Variants in RFX8 observed in about 807,000 individuals in gnomAD.
RFX8 encodes regulatory factor X8, also known as DNA-binding protein RFX8.
A neutral mutation model predicts 54.6 loss-of-function variants in RFX8; 46 were observed. The ratio of observed to expected loss-of-function variants is 0.84; its 90% CI spans 0.67 to 1.08. The LOEUF (loss-of-function observed/expected upper bound fraction) is 1.08, where lower values mean the gene tolerates loss of function less well. Among genes scored for constraint, RFX8 ranks in the 50% least tolerant of loss-of-function variants. The pLI, the probability that RFX8 is intolerant of heterozygous loss-of-function variation, is 0.00. For synonymous variants in RFX8, 192 were observed against 209.5 expected (o/e 0.92, Z 0.72); for missense variants, 536 against 562.3 (o/e 0.95, Z 0.47).
chr2:101,466,923 G>A, intron 1 of RFX8, 23 bp from the exon 2 acceptor site: 1 of 1,073,332 alleles, frequency 9.3e-7, no homozygotes. Flanking sequence ...AGGACAAGGA[G>A]GAGGAAATTG....
intron 2 of RFX8, among the ~76,000 whole-genome samples, chr2:101,456,290 C>T (rs901687942): frequency 1.3e-5 from 2 of 152,106 alleles, no homozygotes; most frequent in Non-Finnish European, 2.9e-5. Context: ...TGTCTTGTGC[C>T]GCTTTTCAAA....
chr2:101,416,670 G>A (rs992584779), intron 6 of RFX8, among the ~76,000 whole-genome samples: 10 of 152,192 alleles, frequency 6.6e-5, no homozygotes, highest in African/African-American at 1.9e-4. Context: ...CTTCACAAAG[G>A]CAAGAGGGAG....
chr2:101,450,205 T>G (rs1311018402), intron 2 of RFX8, among the ~76,000 whole-genome samples: 1 of 152,072 alleles, frequency 6.6e-6, no homozygotes, highest in Non-Finnish European at 1.5e-5. Context: ...AATGGTTCTT[T>G]TATTTATTAA....
intron 1 of RFX8, among the ~76,000 whole-genome samples, chr2:101,473,716 T>G (rs1690137224): frequency 6.6e-6 from 1 of 152,228 alleles, no homozygotes; most frequent in Admixed American, 6.5e-5. Context: ...AGGATATTTT[T>G]CTTTCCCTTT....
At chr2:101,447,335 A>C (rs147374726) in intron 2 of RFX8, among the ~76,000 whole-genome samples, 5 of 152,322 alleles carry the variant, frequency 3.3e-5, no homozygotes, top group African/African-American at 1.2e-4. Flanking sequence ...CACTCTGGGA[A>C]TATGTCCTTG....
At chr2:101,453,869 C>T (rs936671875) in intron 2 of RFX8, among the ~76,000 whole-genome samples, 50 of 152,060 alleles carry the variant, frequency 3.3e-4, no homozygotes, top group African/African-American at 1.2e-3. Flanking sequence ...TACCATTTTC[C>T]TCTTTTTCTA....
chr2:101,453,170 T>C (rs1688788971), intron 2 of RFX8, among the ~76,000 whole-genome samples: 1 of 144,878 alleles, frequency 6.9e-6, no homozygotes, highest in Non-Finnish European at 1.5e-5. Context: ...CCAGCTACTC[T>C]GGAGGCTGAG....
At chr2:101,402,378 C>G in intron 11 of RFX8, 58 bp downstream of exon 11, 3 of 1,328,052 alleles carry the variant, frequency 2.3e-6, no homozygotes, top group Middle Eastern at 2.0e-4. Context: ...TTACTAATCA[C>G]CTGTGGCTCT....
Position 101,402,552 on chromosome 2 carries a change from T to A in RFX8, c.1129A>T (p.Met377Leu), listed in dbSNP as rs763105786. The A allele has an allele frequency of 6.4e-7, 1 of 1,551,838 alleles. No individual in the cohort carries two copies. ...SLSQACASPS[M>L]EPLGVMPTHM... is the part of the protein sequence containing the mutation. The stretch of plus-strand genomic sequence containing the variant: ...GTGGGCATCACCCCCAGTGGCTCCA[T>A]GCTGGGGCTGGCACACGCCTGCGAC... Residue 377 changes from methionine to leucine, a missense_variant, in exon 11 of 12, where the codon ATG becomes TTG. Physicochemically the swap from Met to Leu is conservative, Grantham distance 15. Transcript: ENST00000428343.
intron 2 of RFX8, among the ~76,000 whole-genome samples, 180 bp from the exon 3 acceptor site, chr2:101,422,652 T>C (rs1686933398): frequency 6.6e-6 from 1 of 152,234 alleles, no homozygotes; most frequent in Non-Finnish European, 1.5e-5. Flanking sequence ...ATGCTGCTAA[T>C]TTTTGTCTGT....
At chr2:101,445,392 C>T (rs1688316574) in intron 2 of RFX8, among the ~76,000 whole-genome samples, 2 of 152,106 alleles carry the variant, frequency 1.3e-5, no homozygotes, top group East Asian at 1.9e-4. Flanking sequence ...CCACATCTCG[C>T]GATTGTTCCT....
In RFX8 at chr2:101,402,497, C is replaced by T. The variant is rs1477271972; in HGVS notation, c.1184G>A (p.Gly395Asp). 3.9e-6 allele frequency: 6 copies of T among 1,551,662 alleles called. No homozygotes were observed. Among genetic ancestry groups the T allele is most frequent in the African/African-American group, 1.4e-5 (1 of 73,050 alleles). The part of the protein sequence containing the change: ...THMGQGRYPV[G>D]VSNMVLRILG... Reference sequence around the variant, plus strand: ...GATCCTGAGGACCATGTTGCTCACACCCACGGGATATCGGCCCTGGCCCAT... The same window carrying T: ...GATCCTGAGGACCATGTTGCTCACATCCACGGGATATCGGCCCTGGCCCAT... Residue 395 changes from glycine (G) to aspartate (D), a missense_variant, in exon 11 of 12, where the codon GGT becomes GAT. Coordinates refer to ENST00000428343, the MANE Select transcript of RFX8 (RefSeq NM_001145664.2).
At chr2:101,440,929 GGT>G (rs1688062820) in intron 2 of RFX8, among the ~76,000 whole-genome samples, 2 of 150,170 alleles carry the variant, frequency 1.3e-5, no homozygotes, top group Non-Finnish European at 3.0e-5. Context: ...TCCTTGTTAT[GGT>G]TTGAATATTT....
At chr2:101,469,017 G>GTATATATATAT (rs1689750644) in intron 1 of RFX8, among the ~76,000 whole-genome samples, 3 of 20,562 alleles carry the variant, frequency 1.5e-4, no homozygotes, top group Non-Finnish European at 3.0e-4. Flanking sequence ...TATATATATA[G>GTATATATATAT]GTATATATAT....
intron 9 of RFX8, among the ~76,000 whole-genome samples, chr2:101,407,676 A>C (rs1685819485): frequency 6.6e-6 from 1 of 151,896 alleles, no homozygotes; most frequent in South Asian, 2.1e-4. Context: ...TGGGTGACAG[A>C]GCAAGACTCC....
chr2:101,412,526 A>G (rs1000764096), intron 8 of RFX8, among the ~76,000 whole-genome samples: 2 of 152,184 alleles, frequency 1.3e-5, no homozygotes, highest in Non-Finnish European at 2.9e-5. Context: ...CATCTAGCTC[A>G]AGGCAGTTTA....
intron 1 of RFX8, among the ~76,000 whole-genome samples, chr2:101,473,636 G>A (rs1378264745): frequency 1.3e-5 from 2 of 152,152 alleles, no homozygotes; most frequent in Admixed American, 1.3e-4. Context: ...AAAGGTCCTA[G>A]AACTGGTTTC....
Position 101,411,303 on chromosome 2 carries a change from C to T in RFX8, c.719-590G>A, listed in dbSNP as rs1686109635. Among the ~76,000 whole-genome samples, 2 of 152,226 alleles carry T rather than the reference C, an allele frequency of 1.3e-5. 1 individual carries two copies. Among genetic ancestry groups the T allele is most frequent in the Admixed American group, 1.3e-4 (2 of 15,278 alleles). ...AGAGTTTGGAAAACTGAGTCGGTTG[C>T]AGTGGCCCCTCTGAGGCTTGGTGGA... is the stretch of plus-strand genomic sequence containing the variant. On this transcript the variant is annotated intron_variant, in intron 8 of 11. Transcript: ENST00000428343.
chr2:101,415,060 G>A (rs1374483891), intron 6 of RFX8, 148 bp from the exon 7 acceptor site: 20 of 621,036 alleles, frequency 3.2e-5, no homozygotes, highest in Non-Finnish European at 4.6e-5. Flanking sequence ...GGCCCTCTCT[G>A]AGTGGCTAGA....
Sources: allele counts gnomAD v4.1 joint callset (sites outside exome capture counted in the v4.1 genomes callset), GRCh38; gene constraint gnomAD v4.1.1; transcripts MANE v1.5; gene names NCBI Gene and HGNC (gene_info 2026-07-23, HGNC 2026-07-21).